The following MAGI2 variants were observed in gnomAD, a reference collection of about 807,000 sequenced individuals.
The protein encoded by MAGI2 is membrane-associated guanylate kinase, WW and PDZ domain-containing protein 2.
MAGI2 carries 35 observed loss-of-function variants against 133.3 expected under a neutral mutation model. That is an observed-to-expected ratio of 0.26 (90% confidence interval 0.20 to 0.35). The LOEUF (loss-of-function observed/expected upper bound fraction) is 0.35, where lower values mean the gene tolerates loss of function less well. Ranked by LOEUF, MAGI2 falls within the 10% of genes least tolerant of loss-of-function variation. The probability of loss-of-function intolerance (pLI) is 1.00; values close to 1 mark genes in which losing one functional copy is unlikely to be tolerated. For synonymous variants in MAGI2, 729 were observed against 710.6 expected (o/e 1.03, Z -0.41); for missense variants, 1,636 against 1,863.4 (o/e 0.88, Z 2.25).
intron 9 of MAGI2, among the ~76,000 whole-genome samples, chr7:78,269,822 A>AT (rs1794387886): frequency 1.3e-5 from 2 of 152,234 alleles, no homozygotes; most frequent in South Asian, 4.1e-4. Context: ...TTGGTGTTTT[A>AT]GTCATAAAGT....
chr7:79,294,657 C>G (rs530079616), intron 1 of MAGI2, among the ~76,000 whole-genome samples: 1 of 147,724 alleles, frequency 6.8e-6, no homozygotes, highest in East Asian at 2.0e-4. Flanking sequence ...CCGACCTGAT[C>G]AAGTCAGCAT....
At chr7:78,558,837 G>GTTTTT (rs10691115) in intron 3 of MAGI2, among the ~76,000 whole-genome samples, 10 of 130,020 alleles carry the variant, frequency 7.7e-5, no homozygotes, top group Non-Finnish European at 1.1e-4. Context: ...TTGAGACACC[G>GTTTTT]TTTTTTTTTT....
At chr7:79,099,079 T>A (rs183568908) in intron 1 of MAGI2, among the ~76,000 whole-genome samples, 2 of 152,190 alleles carry the variant, frequency 1.3e-5, no homozygotes, top group Admixed American at 1.3e-4. Flanking sequence ...ATGGTTAGAC[T>A]GAAATAATGA....
chr7:79,272,330 G>A (rs1412239898), intron 1 of MAGI2, among the ~76,000 whole-genome samples: 1 of 152,068 alleles, frequency 6.6e-6, no homozygotes, highest in African/African-American at 2.4e-5. Context: ...AGTCTTTAGT[G>A]GAATATATTT....
intron 7 of MAGI2, among the ~76,000 whole-genome samples, chr7:78,367,333 T>TAG (rs1396458768): frequency 6.6e-6 from 1 of 152,180 alleles, no homozygotes; most frequent in Non-Finnish European, 1.5e-5. Flanking sequence ...AGAAAGGTTT[T>TAG]AGTTAAATCC....
At chr7:78,870,930 A>G (rs1794978915) in intron 2 of MAGI2, among the ~76,000 whole-genome samples, 5 of 152,166 alleles carry the variant, frequency 3.3e-5, no homozygotes, top group South Asian at 4.1e-4. Flanking sequence ...TATTACTCTA[A>G]GTGGAGTAAC....
intron 1 of MAGI2, among the ~76,000 whole-genome samples, chr7:79,266,713 G>A (rs2129556868): frequency 6.6e-6 from 1 of 152,098 alleles, no homozygotes; most frequent in East Asian, 1.9e-4. Flanking sequence ...CCCATACTCG[G>A]GAAACTTTTT....
At chr7:78,692,058 TA>T (rs1000589130) in intron 2 of MAGI2, among the ~76,000 whole-genome samples, 2 of 151,044 alleles carry the variant, frequency 1.3e-5, no homozygotes, top group Admixed American at 6.6e-5. Context: ...AAAACTGCTC[TA>T]AAAAAAAATA....
chr7:79,171,743 A>AAAAAAAATAT (rs1554394139), intron 1 of MAGI2, among the ~76,000 whole-genome samples: 5 of 29,570 alleles, frequency 1.7e-4, no homozygotes, highest in African/African-American at 3.1e-4. Context: ...AATAGCCAAA[A>AAAAAAAATAT]ATATATATAT....
intron 3 of MAGI2, among the ~76,000 whole-genome samples, chr7:78,609,171 C>T (rs960645725): frequency 8.5e-5 from 13 of 152,262 alleles, no homozygotes; most frequent in African/African-American, 3.1e-4. Context: ...CCTTCCCCAG[C>T]CCACTGACTC....
intron 10 of MAGI2, among the ~76,000 whole-genome samples, chr7:78,229,525 C>T (rs1382898958): frequency 6.6e-6 from 1 of 152,144 alleles, no homozygotes; most frequent in Non-Finnish European, 1.5e-5. Flanking sequence ...ATGGGGCGAG[C>T]TTCACGTCAA....
chr7:79,333,364 G>C (rs1001471011), intron 1 of MAGI2, among the ~76,000 whole-genome samples: 9 of 152,106 alleles, frequency 5.9e-5, no homozygotes, highest in Admixed American at 3.9e-4. Flanking sequence ...CTGACCTCTT[G>C]ATCCGCCTGC....
At chr7:79,105,072 A>T (rs1292906530) in intron 1 of MAGI2, among the ~76,000 whole-genome samples, 1 of 152,238 alleles carries the variant, frequency 6.6e-6, no homozygotes, top group Admixed American at 6.5e-5. Flanking sequence ...TGATTTCTGC[A>T]TGTCAAGCAT....
At chr7:78,376,983 C>T (rs1794504634) in intron 6 of MAGI2, among the ~76,000 whole-genome samples, 1 of 152,122 alleles carries the variant, frequency 6.6e-6, no homozygotes, top group Admixed American at 6.6e-5. Context: ...ATATGGAGGA[C>T]TTCAAAATAT....
intron 6 of MAGI2, among the ~76,000 whole-genome samples, chr7:78,415,291 G>A (rs574025267): frequency 6.6e-5 from 10 of 152,124 alleles, no homozygotes; most frequent in South Asian, 4.2e-4. Flanking sequence ...AATGAGCTAC[G>A]CTGCACTGCT....
chr7:78,347,137 T>C (rs1791001981), intron 7 of MAGI2: 1 of 152,234 alleles, frequency 6.6e-6, no homozygotes, highest in Non-Finnish European at 1.5e-5. Context: ...CTCTGCACAC[T>C]TTTTTCTTTT....
chr7:78,262,223 C>T (rs116748953), intron 9 of MAGI2, among the ~76,000 whole-genome samples: 3,010 of 152,152 alleles, frequency 0.02, 44 homozygotes, highest in Middle Eastern at 0.048. Context: ...AATAGAAATG[C>T]AAAAACAGAT....
In MAGI2 at chr7:78,452,994, A is replaced by AT. The variant is rs1295482265; in HGVS notation, c.1045+36766_1045+36767insA. 2.0e-4 allele frequency among the ~76,000 whole-genome samples: 31 copies of AT among 151,684 alleles called. No individual in the cohort carries two copies. The East Asian group carries it at 4.1e-3, about 20-fold the overall frequency. On this transcript the variant is annotated intron_variant, in intron 6 of 21. Coordinates refer to ENST00000354212, the MANE Select transcript of MAGI2 (RefSeq NM_012301.4). ...TCAAAACTAAAGAAATAATTTTTGA[A>AT]ATTTTTTTTACTTGTAATGTATATA... is the stretch of plus-strand genomic sequence containing the variant.
intron 7 of MAGI2, among the ~76,000 whole-genome samples, chr7:78,365,248 G>C (rs1194304958): frequency 1.3e-5 from 2 of 152,134 alleles, no homozygotes; most frequent in Non-Finnish European, 2.9e-5. Flanking sequence ...TCTGCATGCA[G>C]CATGACCTCA....
Sources: gnomAD v4.1 joint callset for allele counts (sites outside exome capture counted in the v4.1 genomes callset) on GRCh38, gnomAD v4.1.1 for gene constraint, MANE v1.5 for transcripts, NCBI Gene and HGNC (gene_info 2026-07-23, HGNC 2026-07-21) for gene names.